Variants in HAT1 observed in about 807,000 individuals in gnomAD.
The protein encoded by HAT1 is histone acetyltransferase 1, also known as histone acetyltransferase type B catalytic subunit.
Under a neutral mutation model 56.6 loss-of-function variants are expected in HAT1, and 20 were observed. That is an observed-to-expected ratio of 0.35 (90% confidence interval 0.25 to 0.51). HAT1 has a LOEUF of 0.51. Among genes scored for constraint, HAT1 ranks in the 20% least tolerant of loss-of-function variants. The pLI, the probability that HAT1 is intolerant of heterozygous loss-of-function variation, is 0.95. For synonymous variants in HAT1, 146 were observed against 165.5 expected (o/e 0.88, Z 0.91); for missense variants, 408 against 504.3 (o/e 0.81, Z 1.83).
chr2:171,931,681 A>C (rs1574034516), intron 2 of HAT1, among the ~76,000 whole-genome samples: 1 of 151,908 alleles, frequency 6.6e-6, no homozygotes, highest in Non-Finnish European at 1.5e-5. Context: ...CTCGGGGGGG[A>C]AAAACAGCCA....
chr2:171,978,594 CAT>C (rs922236947), intron 9 of HAT1, among the ~76,000 whole-genome samples: 8 of 152,142 alleles, frequency 5.3e-5, no homozygotes, highest in African/African-American at 1.9e-4. Context: ...TTTTTCCTCT[CAT>C]ATGTTTCTAG....
rs61462189 is a variant in HAT1 at position 171,970,496 on chromosome 2, C to CTTTTTT, written c.823+3583_823+3588dup. ...TAAATCAGTATTAGCAATGCAGTTTCTTTTTTTTTTTTTTTTTTTTTTTTT... is the reference window on the plus strand; with the variant it reads ...TAAATCAGTATTAGCAATGCAGTTTCTTTTTTTTTTTTTTTTTTTTTTTTTTTTTTT... On this transcript the variant is annotated intron_variant, in intron 8 of 10. Coordinates refer to ENST00000264108, the MANE Select transcript of HAT1 (RefSeq NM_003642.4). 4.5e-4 allele frequency among the ~76,000 whole-genome samples: 34 copies of CTTTTTT among 74,990 alleles called. 2 individuals carry two copies. The highest frequency in any genetic ancestry group is 1.1e-3 in the African/African-American group (16 of 14,798). 49.2% of individuals were successfully genotyped at this position (74,990 alleles called of 152,430 possible).
chr2:171,942,493 T>C (rs562556441), intron 2 of HAT1, among the ~76,000 whole-genome samples: 2 of 152,310 alleles, frequency 1.3e-5, no homozygotes, highest in African/African-American at 4.8e-5. Context: ...ATTGTGAACA[T>C]TTTCCTATGT....
chr2:171,937,565 C>G (rs552217467), intron 2 of HAT1, among the ~76,000 whole-genome samples: 5 of 152,076 alleles, frequency 3.3e-5, no homozygotes, highest in African/African-American at 1.2e-4. Context: ...GCAAAAGAAA[C>G]CAGGTTAAGT....
At chr2:171,926,970 G>A (rs1034543049) in intron 2 of HAT1, among the ~76,000 whole-genome samples, 2 of 152,196 alleles carry the variant, frequency 1.3e-5, no homozygotes, top group Admixed American at 1.3e-4. Flanking sequence ...TTGACAATAA[G>A]AAGGAATGAA....
At chr2:171,927,231 C>T (rs139881916) in intron 2 of HAT1, among the ~76,000 whole-genome samples, 30 of 152,330 alleles carry the variant, frequency 2.0e-4, no homozygotes, top group African/African-American at 7.0e-4. Flanking sequence ...AAATTTTACA[C>T]TTAGAACAAG....
At chr2:171,973,400 C>CAAAAAAAAAAAAAAAA (rs67088559) in intron 8 of HAT1, among the ~76,000 whole-genome samples, 1 of 133,624 alleles carries the variant, frequency 7.5e-6, no homozygotes, top group Non-Finnish European at 1.6e-5. Context: ...CCAATTTCTG[C>CAAAAAAAAAAAAAAAA]AAAAAAAAAA....
intron 8 of HAT1, among the ~76,000 whole-genome samples, chr2:171,969,819 A>G (rs999460770): frequency 6.6e-6 from 1 of 152,106 alleles, no homozygotes; most frequent in Non-Finnish European, 1.5e-5. Flanking sequence ...TTCCTATGAT[A>G]CCTATTTCCT....
intron 2 of HAT1, among the ~76,000 whole-genome samples, chr2:171,934,555 G>T (rs758172602): frequency 1.1e-4 from 17 of 152,146 alleles, no homozygotes; most frequent in Non-Finnish European, 1.9e-4. Flanking sequence ...CGTGCTTATA[G>T]AAGAAGGCGT....
rs567232699 is a variant in HAT1, at chr2:171,965,876, C to T, written c.579C>T (p.Asp193=). Residue 193 remains aspartate, a synonymous_variant, in exon 6 of 11, where the codon GAC becomes GAT. Coordinates refer to ENST00000264108, the MANE Select transcript of HAT1 (RefSeq NM_003642.4). The part of the protein sequence containing the change: ...MWFIETASFI[D]VDDERWHYFL... ...TTATTGAAACTGCTAGCTTTATTGA[C>T]GTGGATGATGAAAGATGGCACTACT... The T allele has an allele frequency of 3.6e-5, 58 of 1,612,600 alleles. No homozygotes were observed. The highest frequency in any genetic ancestry group is 1.4e-4 in the South Asian group (13 of 91,028).
At chr2:171,930,072 A>G (rs1247096723) in intron 2 of HAT1, among the ~76,000 whole-genome samples, 3 of 152,214 alleles carry the variant, frequency 2.0e-5, no homozygotes, top group African/African-American at 7.2e-5. Flanking sequence ...TATTCTAGAA[A>G]TGTTTCAGGT....
chr2:171,973,529 C>T (rs752482532), intron 8 of HAT1, among the ~76,000 whole-genome samples: 2 of 152,014 alleles, frequency 1.3e-5, no homozygotes, highest in African/African-American at 2.4e-5. Flanking sequence ...CTCAAAATCC[C>T]GGGCTACGGA....
intron 2 of HAT1, among the ~76,000 whole-genome samples, chr2:171,928,916 T>C (rs1215957706): frequency 1.3e-5 from 2 of 152,224 alleles, no homozygotes; most frequent in Non-Finnish European, 2.9e-5. Flanking sequence ...TTGTATGAGT[T>C]TTTTTGTGGA....
At chr2:171,944,814 C>T (rs1057188235) in intron 2 of HAT1, among the ~76,000 whole-genome samples, 1 of 152,208 alleles carries the variant, frequency 6.6e-6, no homozygotes, top group African/African-American at 2.4e-5. Flanking sequence ...GATACTTTGG[C>T]ATGCAGGGAG....
chr2:171,977,045 G>A (rs886295642), intron 9 of HAT1, among the ~76,000 whole-genome samples: 4 of 152,154 alleles, frequency 2.6e-5, no homozygotes, highest in African/African-American at 4.8e-5. Context: ...GGTGGCATGC[G>A]CCTGTAGTCC....
intron 2 of HAT1, among the ~76,000 whole-genome samples, chr2:171,937,489 A>G (rs1156585885): frequency 6.6e-6 from 1 of 152,206 alleles, no homozygotes; most frequent in Non-Finnish European, 1.5e-5. Flanking sequence ...TGAAAGGAAC[A>G]CACTGTGAAA....
At chr2:171,972,187 T>C (rs1687830867) in intron 8 of HAT1, among the ~76,000 whole-genome samples, 1 of 151,894 alleles carries the variant, frequency 6.6e-6, no homozygotes, top group Non-Finnish European at 1.5e-5. Flanking sequence ...TGAAATGCTA[T>C]CTGCATCTTT....
intron 8 of HAT1, among the ~76,000 whole-genome samples, chr2:171,967,818 T>G (rs2105336847): frequency 6.6e-6 from 1 of 152,248 alleles, no homozygotes; most frequent in African/African-American, 2.4e-5. Flanking sequence ...ACTATACTAT[T>G]TAACATGCAC....
chr2:171,934,759 T>TG (rs1348161316), intron 2 of HAT1, among the ~76,000 whole-genome samples: 3 of 150,744 alleles, frequency 2.0e-5, no homozygotes, highest in Non-Finnish European at 4.4e-5. Flanking sequence ...AGTGGGTTTT[T>TG]TTTTTTTTTT....
Sources: gnomAD v4.1 joint callset for allele counts (sites outside exome capture counted in the v4.1 genomes callset) on GRCh38, gnomAD v4.1.1 for gene constraint, MANE v1.5 for transcripts, NCBI Gene and HGNC (gene_info 2026-07-23, HGNC 2026-07-21) for gene names.